The following FGG variants were observed in gnomAD, a reference collection of about 807,000 sequenced individuals.
FGG encodes fibrinogen gamma chain, also known as fibrinogen, gamma polypeptide.
In FGG, 20 loss-of-function variants were observed where a neutral mutation model predicts 51.7. That is an observed-to-expected ratio of 0.39 (90% CI 0.27 to 0.56). The LOEUF (loss-of-function observed/expected upper bound fraction) is 0.56, where lower values mean the gene tolerates loss of function less well. Ranked by LOEUF, FGG falls within the 20% of genes least tolerant of loss-of-function variation. The probability of loss-of-function intolerance (pLI) is 0.64; values close to 1 mark genes in which losing one functional copy is unlikely to be tolerated. For synonymous variants in FGG, 184 were observed against 184.7 expected (o/e 1.00, Z 0.03); for missense variants, 460 against 534.2 (o/e 0.86, Z 1.37).
At chr4:154,612,487 T>C (rs1432130946) in intron 1 of FGG, 45 bp downstream of exon 1, 12 of 1,613,824 alleles carry the variant, frequency 7.4e-6, no homozygotes, top group Non-Finnish European at 1.0e-5. Flanking sequence ...TGTTTTATTT[T>C]CCAGCTTTCC....
At chr4:154,606,662 A>T in intron 8 of FGG, 43 bp downstream of exon 8, 6 of 1,583,912 alleles carry the variant, frequency 3.8e-6, no homozygotes, top group Non-Finnish European at 5.2e-6. Context: ...TGAAAATAGT[A>T]TACACTATAC....
intron 6 of FGG, among the ~76,000 whole-genome samples, chr4:154,608,934 T>A (rs914516344): frequency 6.6e-6 from 1 of 152,204 alleles, no homozygotes; most frequent in Non-Finnish European, 1.5e-5. Context: ...AAAAGACACC[T>A]AGACGACTTC....
At position 154,604,696 on chromosome 4, in the gene FGG, T is replaced by C; in HGVS notation, c.*138A>G. 3 of 1,486,756 alleles carry C rather than the reference T, an allele frequency of 2.0e-6. No individual in the cohort carries two copies. The highest frequency in any genetic ancestry group is 2.7e-6 in the Non-Finnish European group (3 of 1,122,440). The allele number at this position is 1,486,756 out of a possible 1,614,324, so 92.1% of individuals were successfully genotyped here. On this transcript the variant is annotated 3_prime_UTR_variant, in exon 9 of 9. Transcript: ENST00000336098. ...AGTAATTTGGAAATACAGTCCTAAA[T>C]GAGTTTTAATTTCCATTGAAGGCTA...
Position 154,604,303 on chromosome 4 carries a change from G to T in FGG, c.*531C>A. ...TATTATATCTCTCTGTTCAGATAAA[G>T]TCCTTTAAAAAAGTAAATCTCTTTT... On this transcript the variant is annotated 3_prime_UTR_variant, in exon 9 of 9. Coordinates refer to ENST00000336098, the MANE Select transcript of FGG (RefSeq NM_021870.3). 1 of 1,488,156 alleles carries T rather than the reference G, an allele frequency of 6.7e-7. No homozygotes were observed. The allele number at this position is 1,488,156 out of a possible 1,614,324, so 92.2% of individuals were successfully genotyped here. A position where few individuals can be genotyped will look rare whatever the true frequency, so the allele number is the denominator to read the frequency against.
At position 154,604,316 on chromosome 4, in the gene FGG, G is replaced by T. The variant is rs1469806926; in HGVS notation, c.*518C>A. On this transcript the variant is annotated 3_prime_UTR_variant, in exon 9 of 9. Transcript: ENST00000336098. ...TGTTCAGATAAAGTCCTTTAAAAAA[G>T]TAAATCTCTTTTGAAACGGTCTTTT... is the stretch of plus-strand genomic sequence containing the variant. 1.3e-6 allele frequency: 2 copies of T among 1,508,094 alleles called. No homozygotes were observed. The highest frequency in any genetic ancestry group is 5.1e-5 in the East Asian group (2 of 39,204). The allele number at this position is 1,508,094 out of a possible 1,614,324, so 93.4% of individuals were successfully genotyped here.
Position 154,604,994 on chromosome 4 carries a change from C to T in FGG, c.1202G>A (p.Arg401Gln), listed in dbSNP as rs2110838894. 5.0e-6 allele frequency: 8 copies of T among 1,613,790 alleles called. No homozygotes were observed. The highest frequency in any genetic ancestry group is 2.2e-5 in the East Asian group (1 of 44,874). ...NGIIWATWKTRWYSMKKTTMK... is the reference protein window; with the variant it reads ...NGIIWATWKTQWYSMKKTTMK... Reference sequence around the variant, plus strand: ...AGTGGTTTTCTTCATGGAATACCACCGGGTTTTCCAAGTGGCCCAAATAAT... The same window carrying T: ...AGTGGTTTTCTTCATGGAATACCACTGGGTTTTCCAAGTGGCCCAAATAAT... The change falls in exon 9 of 9, where the codon CGG (arginine) becomes CAG (glutamine). Residue 401 changes from arginine (R) to glutamine (Q), a missense_variant. Arg to Gln is a conservative substitution (Grantham distance 43). Transcript: ENST00000336098.
intron 5 of FGG, 80 bp downstream of exon 5, chr4:154,609,987 C>T (rs1731175127): frequency 5.7e-6 from 9 of 1,589,592 alleles, no homozygotes; most frequent in Non-Finnish European, 7.8e-6. Context: ...TAAACTATTC[C>T]TATACTTTCC....
chr4:154,612,428 G>A lies in FGG; in HGVS notation c.86C>T (p.Ala29Val), dbSNP rs1025420920. The A allele has an allele frequency of 1.2e-6, 2 of 1,613,666 alleles. No homozygotes were observed. The highest frequency in any genetic ancestry group is 1.7e-6 in the Non-Finnish European group (2 of 1,179,894). ...TAAGATGCAGCAGTTGTCTCTGGTA[G>A]CAACATACTAAAAGAGAAAAAATAC... ...FLSSTCVAYVATRDNCCILDE... is the reference protein window; with the variant it reads ...FLSSTCVAYVVTRDNCCILDE... The change falls in exon 2 of 9, where the codon GCT becomes GTT. Residue 29 changes from alanine (A) to valine (V), a missense_variant. Ala to Val is a moderately conservative substitution (Grantham distance 64, BLOSUM62 0). Transcript: ENST00000336098.
At chr4:154,606,318 G>T (rs768013307) in intron 8 of FGG, among the ~76,000 whole-genome samples, 1 of 152,100 alleles carries the variant, frequency 6.6e-6, no homozygotes, top group Non-Finnish European at 1.5e-5. Context: ...TGTTCACTGC[G>T]TGTATCTGAC....
Position 154,610,086 on chromosome 4 carries a change from G to A in FGG, c.513C>T (p.Ile171=). The A allele has an allele frequency of 6.2e-7, 1 of 1,613,694 alleles. No individual in the cohort carries two copies. Among genetic ancestry groups the A allele is most frequent in the East Asian group, 2.2e-5 (1 of 44,854 alleles). The change falls in exon 5 of 9, where the codon ATC becomes ATT. Residue 171 remains isoleucine (I), a synonymous_variant. Transcript: ENST00000336098. ...CQEPCKDTVQ[I]HDITGKDCQD... is the part of the protein sequence containing the mutation. ...AGTTACCTTTCCCAGTGATATCATG[G>A]ATTTGCACCGTGTCTTTGCAAGGTT...
intron 8 of FGG, among the ~76,000 whole-genome samples, chr4:154,605,869 A>C (rs1731087742): frequency 6.6e-6 from 1 of 151,986 alleles, no homozygotes; most frequent in South Asian, 2.1e-4. Flanking sequence ...ACAAGCCCGG[A>C]GTGGTTTGGA....
At position 154,604,756 on chromosome 4, in the gene FGG, A is replaced by T. The variant is rs1731065275; in HGVS notation, c.*78T>A. The T allele has an allele frequency of 6.3e-7, 1 of 1,599,856 alleles. No individual in the cohort carries two copies. Among genetic ancestry groups the T allele is most frequent in the South Asian group, 1.1e-5 (1 of 89,944 alleles). The stretch of plus-strand genomic sequence containing the variant: ...AATAGAAGACTTGAAATCAATAAAT[A>T]TAGTAAGAGAAAAAAGGAAGAAACT... On this transcript the variant is annotated 3_prime_UTR_variant, in exon 9 of 9. Coordinates refer to ENST00000336098, the MANE Select transcript of FGG (RefSeq NM_021870.3).
rs145914446 is a variant in FGG, at chr4:154,612,136, G to C, written c.189C>G (p.Asp63Glu). 156 of 1,612,124 alleles carry C rather than the reference G, an allele frequency of 9.7e-5. No homozygotes were observed. In the East Asian group the frequency reaches 2.1e-3, roughly 21 times the overall value. Reference sequence around the variant, plus strand: ...TGTCTTCCAAAGACTGTAGATCCTTGTCTACTTTGGTTTGATAAGTAGACA... The same window carrying C: ...TGTCTTCCAAAGACTGTAGATCCTTCTCTACTTTGGTTTGATAAGTAGACA... ...DFLSTYQTKV[D>E]KDLQSLEDIL... The change falls in exon 3 of 9, where the codon GAC (aspartate) becomes GAG (glutamate). Residue 63 changes from aspartate to glutamate, a missense_variant. Transcript: ENST00000336098.
Position 154,604,337 on chromosome 4 carries a change from CT to C in FGG, c.*496del, listed in dbSNP as rs1731056276. On this transcript the variant is annotated 3_prime_UTR_variant, in exon 9 of 9. Coordinates refer to ENST00000336098, the MANE Select transcript of FGG (RefSeq NM_021870.3). ...AAAAGTAAATCTCTTTTGAAACGGT[CT>C]TTTAAACGTCTCCAGCCTGTGAATA... 1.3e-6 allele frequency: 2 copies of C among 1,514,198 alleles called. No individual in the cohort carries two copies. Among genetic ancestry groups the C allele is most frequent in the Non-Finnish European group, 1.8e-6 (2 of 1,132,864 alleles). 93.8% of individuals were successfully genotyped at this position (1,514,198 alleles called of 1,614,324 possible).
rs1218450006 is a variant in FGG at position 154,612,390 on chromosome 4, C to T, written c.123+1G>A. On this transcript the variant is annotated splice_donor_variant, in intron 2 of 8. Coordinates refer to ENST00000336098, the MANE Select transcript of FGG (RefSeq NM_021870.3). LOFTEE classifies it high-confidence loss of function. ...AAGGGAGAAACATAAAAACTACTTA[C>T]GAATCTTTCATCTAAGATGCAGCAG... The T allele has an allele frequency of 3.1e-6, 5 of 1,612,982 alleles. No individual in the cohort carries two copies. The highest frequency in any genetic ancestry group is 1.3e-5 in the African/African-American group (1 of 74,956).
chr4:154,612,168 C>T lies in FGG; in HGVS notation c.157G>A (p.Asp53Asn). ...TTGGTTTGATAAGTAGACAGGAAAT[C>T]TGCAATGCCACAGGTAGTTGGACAA... The part of the protein sequence containing the change: ...SYCPTTCGIA[D>N]FLSTYQTKVD... The change falls in exon 3 of 9, where the codon GAT (aspartate) becomes AAT (asparagine). Residue 53 changes from aspartate (D) to asparagine (N), a missense_variant. By Grantham distance (23) the Asp-to-Asn change is conservative. Coordinates refer to ENST00000336098, the MANE Select transcript of FGG (RefSeq NM_021870.3). 1 of 1,610,940 alleles carries T rather than the reference C, an allele frequency of 6.2e-7. No homozygotes were observed. Among genetic ancestry groups the T allele is most frequent in the East Asian group, 2.2e-5 (1 of 44,796 alleles).
intron 6 of FGG, 39 bp downstream of exon 6, chr4:154,609,591 T>G: frequency 6.2e-7 from 1 of 1,612,490 alleles, no homozygotes; most frequent in Non-Finnish European, 8.5e-7. Flanking sequence ...AGAAACAATG[T>G]AGGAATTTAT....
intron 4 of FGG, 60 bp from the exon 5 acceptor site, chr4:154,610,257 AAG>A: frequency 7.5e-7 from 1 of 1,327,624 alleles, no homozygotes; most frequent in Non-Finnish European, 1.1e-6. Context: ...TTCCTTTCAG[AAG>A]AGTAATTTTA....
chr4:154,609,539 C>T (rs1731161664), intron 6 of FGG, 91 bp downstream of exon 6: 5 of 1,474,796 alleles, frequency 3.4e-6, no homozygotes, highest in Non-Finnish European at 4.7e-6. Flanking sequence ...ATTAAATGAG[C>T]TACGGTTCAC....
Sources: allele counts gnomAD v4.1 joint callset (sites outside exome capture counted in the v4.1 genomes callset), GRCh38; gene constraint gnomAD v4.1.1; transcripts MANE v1.5; gene names NCBI Gene and HGNC (gene_info 2026-07-23, HGNC 2026-07-21).